The following TBC1D22A variants were observed in gnomAD, a reference collection of about 807,000 sequenced individuals.
TBC1D22A encodes putative GTPase activator.
Under a neutral mutation model 60.2 loss-of-function variants are expected in TBC1D22A, and 38 were observed. The ratio of observed to expected loss-of-function variants is 0.63; its 90% confidence interval spans 0.49 to 0.83. The LOEUF is 0.83. Ranked by LOEUF, TBC1D22A falls within the 40% of genes least tolerant of loss-of-function variation. The probability of loss-of-function intolerance (pLI) is 0.00; values close to 1 mark genes in which losing one functional copy is unlikely to be tolerated. For synonymous variants in TBC1D22A, 302 were observed against 281.7 expected (o/e 1.07, Z -0.72); for missense variants, 628 against 701.0 (o/e 0.90, Z 1.18).
chr22:47,001,201 A>G (rs1360627793), intron 10 of TBC1D22A, among the ~76,000 whole-genome samples: 2 of 152,000 alleles, frequency 1.3e-5, no homozygotes, highest in Non-Finnish European at 2.9e-5. Flanking sequence ...CTCAGTTATG[A>G]TGATTCTATA....
chr22:46,997,447 C>T (rs2075157574), intron 9 of TBC1D22A, among the ~76,000 whole-genome samples, 187 bp from the exon 10 acceptor site: 1 of 152,218 alleles, frequency 6.6e-6, no homozygotes, highest in Non-Finnish European at 1.5e-5. Flanking sequence ...TTTCCCTTCT[C>T]AAAATAGCAG....
chr22:46,934,728 T>A (rs6008004), intron 8 of TBC1D22A, among the ~76,000 whole-genome samples: 1 of 152,154 alleles, frequency 6.6e-6, no homozygotes, highest in Admixed American at 6.5e-5. Flanking sequence ...GTCTCCTCTC[T>A]GGTTCAGTGC....
rs780827055 is a variant in TBC1D22A at position 47,173,641 on chromosome 22, G to A, written c.*15G>A. The A allele has an allele frequency of 1.4e-5, 23 of 1,612,778 alleles. No individual in the cohort carries two copies. Among genetic ancestry groups the A allele is most frequent in the East Asian group, 8.9e-5 (4 of 44,834 alleles). Reference sequence around the variant, plus strand: ...ACAAGAAATGAGCCCAGGCCCACCCGCAGCTGGCCTCACTGTCCCGGGTGG... The same window carrying A: ...ACAAGAAATGAGCCCAGGCCCACCCACAGCTGGCCTCACTGTCCCGGGTGG... On this transcript the variant is annotated 3_prime_UTR_variant, in exon 13 of 13. Coordinates refer to ENST00000337137, the MANE Select transcript of TBC1D22A (RefSeq NM_014346.5).
At chr22:46,770,438 A>G (rs1439110351) in intron 1 of TBC1D22A, among the ~76,000 whole-genome samples, 1 of 152,208 alleles carries the variant, frequency 6.6e-6, no homozygotes, top group Non-Finnish European at 1.5e-5. Context: ...GAGATAGTGA[A>G]TGCATGTTTT....
chr22:46,825,361 A>G (rs11704868), intron 4 of TBC1D22A, among the ~76,000 whole-genome samples: 46 of 152,252 alleles, frequency 3.0e-4, no homozygotes, highest in Non-Finnish European at 5.3e-4. Context: ...GGGACCCGCA[A>G]TGGCTCTGCC....
Position 46,878,658 on chromosome 22 carries a change from T to A in TBC1D22A, c.643T>A (p.Leu215Ile). 6.2e-7 allele frequency: 1 copy of A among 1,613,242 alleles called. No homozygotes were observed. The highest frequency in any genetic ancestry group is 8.5e-7 in the Non-Finnish European group (1 of 1,179,826). ...GTCTCTTTTTTCATCAACAGAGGAA[T>A]TACGGAGGTTGAGCTGGTCCGGAAT... ...LAGPNTDLEE[L>I]RRLSWSGIPK... Residue 215 changes from leucine (L) to isoleucine (I), a missense_variant, in exon 5 of 13, where the codon TTA (leucine) becomes ATA (isoleucine). Coordinates refer to ENST00000337137, the MANE Select transcript of TBC1D22A (RefSeq NM_014346.5).
At chr22:46,857,958 C>T (rs2087654764) in intron 4 of TBC1D22A, among the ~76,000 whole-genome samples, 1 of 152,172 alleles carries the variant, frequency 6.6e-6, no homozygotes, top group Admixed American at 6.5e-5. Flanking sequence ...CACGTTTTTG[C>T]AGTCGTGTTT....
intron 8 of TBC1D22A, among the ~76,000 whole-genome samples, chr22:46,938,596 T>G (rs1430989092): frequency 6.6e-6 from 1 of 151,856 alleles, no homozygotes; most frequent in Non-Finnish European, 1.5e-5. Flanking sequence ...TCTCTTTTTT[T>G]TTTTTTTGAG....
intron 7 of TBC1D22A, among the ~76,000 whole-genome samples, chr22:46,911,738 C>T (rs941309743): frequency 1.3e-5 from 2 of 151,834 alleles, no homozygotes; most frequent in East Asian, 3.9e-4. Context: ...GCCAACGTGG[C>T]GAAACCCTGT....
intron 11 of TBC1D22A, among the ~76,000 whole-genome samples, chr22:47,040,576 G>A (rs945776735): frequency 8.6e-5 from 13 of 151,928 alleles, no homozygotes; most frequent in Admixed American, 2.6e-4. Context: ...ATGGGGGGTG[G>A]GTGGAACCTG....
chr22:46,906,444 A>G (rs1455870065), intron 7 of TBC1D22A, among the ~76,000 whole-genome samples: 1 of 152,138 alleles, frequency 6.6e-6, no homozygotes, highest in South Asian at 2.1e-4. Flanking sequence ...CTACAGTGGG[A>G]ATGGTGGGCC....
At chr22:47,014,433 G>A (rs181208094) in intron 10 of TBC1D22A, among the ~76,000 whole-genome samples, 35 of 152,256 alleles carry the variant, frequency 2.3e-4, no homozygotes, top group African/African-American at 8.2e-4. Context: ...ATCAGTCCCC[G>A]CTGGACATGC....
intron 8 of TBC1D22A, among the ~76,000 whole-genome samples, chr22:46,965,291 C>G (rs976168845): frequency 6.6e-6 from 1 of 152,206 alleles, no homozygotes; most frequent in Non-Finnish European, 1.5e-5. Flanking sequence ...GCCATCTGAC[C>G]TGTGGGGGCG....
intron 11 of TBC1D22A, among the ~76,000 whole-genome samples, chr22:47,047,749 C>G (rs2063076619): frequency 2.0e-5 from 3 of 152,236 alleles, no homozygotes; most frequent in Admixed American, 6.5e-5. Context: ...GTGGAGGGTT[C>G]AGAGCTGGGG....
At position 46,791,531 on chromosome 22, in the gene TBC1D22A, G is replaced by GTT. The variant is rs11351638; in HGVS notation, c.63-973_63-972dup. Among the ~76,000 whole-genome samples, 381 of 140,626 alleles carry GTT rather than the reference G, an allele frequency of 2.7e-3. 1 individual carries two copies. The highest frequency in any genetic ancestry group is 5.1e-3 in the African/African-American group (193 of 37,896). The allele number at this position is 140,626 out of a possible 152,430, so 92.3% of individuals were successfully genotyped here. On this transcript the variant is annotated intron_variant, in intron 1 of 12. Transcript: ENST00000337137. ...GGCCAAAGGGGTGCTAGCTAAGCCT[G>GTT]TTTTTTTTTTTTTTTTTCCAGAAAA...
At chr22:47,033,248 T>C (rs1274647496) in intron 10 of TBC1D22A, among the ~76,000 whole-genome samples, 1 of 152,224 alleles carries the variant, frequency 6.6e-6, no homozygotes, top group East Asian at 1.9e-4. Context: ...TTCGTAGAAC[T>C]TTCTATCAGT....
intron 12 of TBC1D22A, among the ~76,000 whole-genome samples, chr22:47,170,845 GATGCAGGACCGGA>G (rs2068414884): frequency 7.0e-6 from 1 of 142,400 alleles, no homozygotes; most frequent in Non-Finnish European, 1.5e-5. Context: ...TAACCCTCCT[GATGCAGGACCGGA>G]GAGAGGACAG....
intron 4 of TBC1D22A, among the ~76,000 whole-genome samples, chr22:46,850,975 TC>T (rs780851240): frequency 1.3e-5 from 2 of 152,106 alleles, no homozygotes; most frequent in Non-Finnish European, 2.9e-5. Flanking sequence ...AATAGGCAAA[TC>T]CATAGAGACG....
At chr22:46,773,812 A>C in intron 1 of TBC1D22A, 1 of 484,742 alleles carries the variant, frequency 2.1e-6, no homozygotes, top group Non-Finnish European at 2.7e-6. Context: ...TAGTCCTCAT[A>C]GCAGCTGGGG....
Sources: allele counts gnomAD v4.1 joint callset (sites outside exome capture counted in the v4.1 genomes callset), GRCh38; gene constraint gnomAD v4.1.1; transcripts MANE v1.5; gene names NCBI Gene and HGNC (gene_info 2026-07-23, HGNC 2026-07-21).